Variants in ENTREP2 observed in about 807,000 individuals in gnomAD.
ENTREP2 encodes the protein protein ENTREP2.
At chr15:29,268,725 C>A in the ENTREP2 span, 7 of 1,504,010 alleles carry the variant, frequency 4.7e-6, no homozygotes, top group Non-Finnish European at 6.2e-6. Flanking sequence ...CTCCCTTCCC[C>A]CAATCCTCTA....
At chr15:29,471,987 G>A in the ENTREP2 span, among the ~76,000 whole-genome samples, 459 of 152,260 alleles carry the variant, frequency 3.0e-3, 3 homozygotes, top group Middle Eastern at 6.8e-3. Context: ...GAGGGCTGGG[G>A]TGGAGCAGAG....
chr15:29,667,363 T>G, the ENTREP2 span, among the ~76,000 whole-genome samples: 1 of 151,312 alleles, frequency 6.6e-6, no homozygotes, highest in Non-Finnish European at 1.5e-5. Context: ...AATTTTTTTG[T>G]ATTTTTAATA....
At chr15:29,328,921 A>G in the ENTREP2 span, among the ~76,000 whole-genome samples, 1 of 152,194 alleles carries the variant, frequency 6.6e-6, no homozygotes, top group Non-Finnish European at 1.5e-5. Flanking sequence ...TATGTGTGGA[A>G]TACCCTATTC....
At chr15:29,513,998 T>C in the ENTREP2 span, among the ~76,000 whole-genome samples, 2 of 152,164 alleles carry the variant, frequency 1.3e-5, no homozygotes, top group African/African-American at 4.8e-5. Context: ...GAATGATGAG[T>C]GCTCCGGGGG....
chr15:29,649,742 AAAAG>A, the ENTREP2 span, among the ~76,000 whole-genome samples: 46 of 151,002 alleles, frequency 3.0e-4, no homozygotes, highest in Admixed American at 4.6e-4. Flanking sequence ...AAAAAAAAAA[AAAAG>A]AAAGAAAGAA....
chr15:29,493,740 C>T, the ENTREP2 span, among the ~76,000 whole-genome samples: 1 of 152,050 alleles, frequency 6.6e-6, no homozygotes, highest in Non-Finnish European at 1.5e-5. Context: ...CTTTCGGAGG[C>T]TGAGGTGGGC....
chr15:29,465,158 A>C, the ENTREP2 span, among the ~76,000 whole-genome samples: 1 of 151,938 alleles, frequency 6.6e-6, no homozygotes, highest in South Asian at 2.1e-4. Flanking sequence ...CACTGGTGCC[A>C]TGTCCAAAGT....
At chr15:29,448,512 A>T in the ENTREP2 span, among the ~76,000 whole-genome samples, 1 of 152,216 alleles carries the variant, frequency 6.6e-6, no homozygotes, top group African/African-American at 2.4e-5. Context: ...AATGCACTTA[A>T]GCGACTGTTT....
chr15:29,344,931 G>GACACACACACACACACACACAC, the ENTREP2 span, among the ~76,000 whole-genome samples: 51 of 142,604 alleles, frequency 3.6e-4, no homozygotes, highest in African/African-American at 1.3e-3. Context: ...CACGCGCGCA[G>GACACACACACACACACACACAC]ACACACACAC....
the ENTREP2 span, among the ~76,000 whole-genome samples, chr15:29,368,337 A>AAATATATATAT: frequency 6.8e-6 from 1 of 146,102 alleles, no homozygotes; most frequent in African/African-American, 2.6e-5. Flanking sequence ...CAAAAAAAAA[A>AAATATATATAT]ATATATATAT....
chr15:29,336,067 G>A, the ENTREP2 span, among the ~76,000 whole-genome samples: 3 of 149,934 alleles, frequency 2.0e-5, no homozygotes, highest in African/African-American at 4.9e-5. Context: ...GCATGAACCC[G>A]GGAGGTGGAG....
chr15:29,564,495 A>C, the ENTREP2 span, among the ~76,000 whole-genome samples: 8 of 152,134 alleles, frequency 5.3e-5, no homozygotes, highest in African/African-American at 1.9e-4. Context: ...AGAAGGGAGG[A>C]CTTACTGTAC....
the ENTREP2 span, among the ~76,000 whole-genome samples, chr15:29,475,689 C>T: frequency 7.9e-5 from 12 of 152,138 alleles, no homozygotes; most frequent in African/African-American, 1.9e-4. Flanking sequence ...CTTGAAGGGC[C>T]GTACCATCCC....
At chr15:29,363,302 T>A in the ENTREP2 span, among the ~76,000 whole-genome samples, 6 of 152,228 alleles carry the variant, frequency 3.9e-5, no homozygotes, top group African/African-American at 1.2e-4. Flanking sequence ...TTTAATAGCA[T>A]ATAAAGTGAT....
chr15:29,419,575 T>C, the ENTREP2 span, among the ~76,000 whole-genome samples: 1 of 152,268 alleles, frequency 6.6e-6, no homozygotes, highest in South Asian at 2.1e-4. Flanking sequence ...AAGGATTTTC[T>C]AAAACAAACA....
chr15:29,232,063 T>G, the ENTREP2 span, among the ~76,000 whole-genome samples: 1 of 151,836 alleles, frequency 6.6e-6, no homozygotes. Context: ...CTAATTTTTG[T>G]GTTTACTAGT....
At chr15:29,524,420 G>A in the ENTREP2 span, among the ~76,000 whole-genome samples, 1 of 152,204 alleles carries the variant, frequency 6.6e-6, no homozygotes, top group Non-Finnish European at 1.5e-5. Context: ...TGTTGGTAAT[G>A]TTACGGGCAG....
chr15:29,236,457 G>A, the ENTREP2 span, among the ~76,000 whole-genome samples: 1 of 151,952 alleles, frequency 6.6e-6, no homozygotes, highest in Non-Finnish European at 1.5e-5. Flanking sequence ...ACCAGCCTGG[G>A]CAACATAGTG....
the ENTREP2 span, among the ~76,000 whole-genome samples, chr15:29,170,581 T>A: frequency 3.5e-5 from 5 of 141,692 alleles, no homozygotes; most frequent in African/African-American, 1.5e-4. Flanking sequence ...ACAACAAGAC[T>A]GTGTGTGTGT....
Sources: gnomAD v4.1 joint callset for allele counts (sites outside exome capture counted in the v4.1 genomes callset) on GRCh38, gnomAD v4.1.1 for gene constraint, MANE v1.5 for transcripts, NCBI Gene and HGNC (gene_info 2026-07-23, HGNC 2026-07-21) for gene names.